SPAG16: variants seen among roughly 807,000 people sequenced by gnomAD.
The protein encoded by SPAG16 is sperm associated antigen 16, also known as sperm-associated antigen 16 protein.
In SPAG16, 86 loss-of-function variants were observed where a neutral mutation model predicts 80.4. That is an observed-to-expected ratio of 1.07 (90% CI 0.90 to 1.28). The LOEUF (loss-of-function observed/expected upper bound fraction) is 1.28, where lower values mean the gene tolerates loss of function less well. SPAG16 is among the 50% of genes most tolerant of loss of function. The probability of loss-of-function intolerance (pLI) is 0.00; values close to 1 mark genes in which losing one functional copy is unlikely to be tolerated. For synonymous variants in SPAG16, 294 were observed against 265.9 expected (o/e 1.11, Z -1.03); for missense variants, 870 against 765.3 (o/e 1.14, Z -1.61).
chr2:213,730,663 T>C (rs1470131499), intron 10 of SPAG16, among the ~76,000 whole-genome samples: 1 of 152,180 alleles, frequency 6.6e-6, no homozygotes, highest in East Asian at 1.9e-4. Context: ...GATGTAGTTC[T>C]CCTACTTGGT....
rs1559110443 is a variant in SPAG16 at position 213,415,690 on chromosome 2, T to A, written c.942+40571T>A. ...TCATTCATTGGAATTGAAGAAAAGA[T>A]GAGGGGAAGGTTTTGGAGGAGAGGA... is the stretch of plus-strand genomic sequence containing the variant. On this transcript the variant is annotated intron_variant, in intron 9 of 15. Transcript: ENST00000331683. Among the ~76,000 whole-genome samples the A allele has an allele frequency of 2.6e-5, 4 of 152,104 alleles. No individual in the cohort carries two copies. The South Asian group carries it at 8.3e-4, about 32-fold the overall frequency.
rs936255820 is a variant in SPAG16 at position 213,557,472 on chromosome 2, C to G, written c.1070+67382C>G. ...ATGTGTATATATAATTATATGTATA[C>G]CATTAAGAATAGAGTATTCTGAAAA... On this transcript the variant is annotated intron_variant, in intron 10 of 15. Coordinates refer to ENST00000331683, the MANE Select transcript of SPAG16 (RefSeq NM_024532.5). Among the ~76,000 whole-genome samples the G allele has an allele frequency of 1.1e-4, 17 of 151,532 alleles. No individual in the cohort carries two copies. The East Asian group carries it at 3.1e-3, about 28-fold the overall frequency.
intron 10 of SPAG16, among the ~76,000 whole-genome samples, chr2:213,708,583 G>A (rs1222219332): frequency 1.3e-5 from 2 of 152,160 alleles, no homozygotes; most frequent in Non-Finnish European, 2.9e-5. Context: ...CACAAGGTCA[G>A]GAGTTCAAGA....
intron 15 of SPAG16, among the ~76,000 whole-genome samples, chr2:214,373,776 T>C (rs1699956973): frequency 6.6e-6 from 1 of 152,136 alleles, no homozygotes. Context: ...CTGCTTCCAA[T>C]GATGAATGGA....
intron 15 of SPAG16, among the ~76,000 whole-genome samples, chr2:214,274,919 C>G (rs1325976371): frequency 1.3e-5 from 2 of 152,156 alleles, no homozygotes; most frequent in African/African-American, 2.4e-5. Flanking sequence ...GTGAATCCAT[C>G]TGGTCCTAAA....
chr2:214,206,281 C>T (rs919267195), intron 15 of SPAG16, among the ~76,000 whole-genome samples: 11 of 152,158 alleles, frequency 7.2e-5, no homozygotes, highest in African/African-American at 2.4e-4. Context: ...CTCTTTCTCC[C>T]ACTCTTTCTC....
At chr2:213,636,877 G>A (rs1195751228) in intron 10 of SPAG16, among the ~76,000 whole-genome samples, 1 of 152,074 alleles carries the variant, frequency 6.6e-6, no homozygotes. Flanking sequence ...GGGTTTCTAG[G>A]TGTATGAACC....
chr2:213,949,062 A>C (rs554639719), intron 12 of SPAG16, among the ~76,000 whole-genome samples: 1 of 152,016 alleles, frequency 6.6e-6, no homozygotes, highest in Non-Finnish European at 1.5e-5. Context: ...TACAAACAGT[A>C]ATGTATTATT....
intron 9 of SPAG16, among the ~76,000 whole-genome samples, chr2:213,427,195 C>T (rs973975852): frequency 6.6e-6 from 1 of 152,050 alleles, no homozygotes; most frequent in African/African-American, 2.4e-5. Context: ...ATGCAAAATA[C>T]ATAGGCTTTT....
At chr2:213,492,885 T>A (rs948543236) in intron 10 of SPAG16, among the ~76,000 whole-genome samples, 2 of 152,166 alleles carry the variant, frequency 1.3e-5, no homozygotes, top group African/African-American at 4.8e-5. Context: ...AGTGCCAGGA[T>A]TCAGCTGCTG....
chr2:214,098,325 C>T (rs1295817638), intron 13 of SPAG16, among the ~76,000 whole-genome samples: 1 of 151,940 alleles, frequency 6.6e-6, no homozygotes, highest in Non-Finnish European at 1.5e-5. Flanking sequence ...CCCTTAAATC[C>T]ATATGTTGAT....
chr2:213,801,972 C>T (rs2071437534), intron 10 of SPAG16, among the ~76,000 whole-genome samples: 1 of 152,118 alleles, frequency 6.6e-6, no homozygotes, highest in Non-Finnish European at 1.5e-5. Flanking sequence ...AAGACATAGG[C>T]ATTTACTTAA....
intron 9 of SPAG16, among the ~76,000 whole-genome samples, chr2:213,488,885 TG>T (rs1361255024): frequency 1.3e-5 from 2 of 148,574 alleles, no homozygotes; most frequent in Non-Finnish European, 3.0e-5. Context: ...GAGACCAGCC[TG>T]GCCAATATGG....
chr2:213,921,973 C>A (rs1278947077), intron 11 of SPAG16, among the ~76,000 whole-genome samples: 1 of 152,030 alleles, frequency 6.6e-6, no homozygotes, highest in African/African-American at 2.4e-5. Flanking sequence ...TTCATTTGGA[C>A]CTTGGAGAAT....
chr2:214,301,028 T>TATAATAATAATA (rs71037363), intron 15 of SPAG16, among the ~76,000 whole-genome samples: 2 of 141,856 alleles, frequency 1.4e-5, no homozygotes, highest in South Asian at 2.3e-4. Context: ...AAACTTAAAG[T>TATAATAATAATA]ATAATAATAA....
intron 15 of SPAG16, among the ~76,000 whole-genome samples, chr2:214,407,871 G>A (rs12151793): frequency 0.019 from 2,832 of 152,058 alleles, 56 homozygotes; most frequent in Admixed American, 0.065. Context: ...ATTACATGCC[G>A]TGTAATAATC....
intron 10 of SPAG16, among the ~76,000 whole-genome samples, chr2:213,526,138 T>A (rs533103521): frequency 5.3e-5 from 8 of 152,260 alleles, no homozygotes; most frequent in Non-Finnish European, 1.2e-4. Context: ...ATTGCTTAAA[T>A]CATCACACAC....
chr2:213,517,955 A>C (rs1308295503), intron 10 of SPAG16, among the ~76,000 whole-genome samples: 1 of 152,208 alleles, frequency 6.6e-6, no homozygotes, highest in Non-Finnish European at 1.5e-5. Flanking sequence ...ATTGACAAGT[A>C]GGACCTAATT....
chr2:213,521,576 T>C (rs572299907), intron 10 of SPAG16, among the ~76,000 whole-genome samples: 18 of 152,354 alleles, frequency 1.2e-4, no homozygotes, highest in African/African-American at 3.1e-4. Context: ...CGTGCACTTC[T>C]AGGTCAGTGT....
Sources: gnomAD v4.1 joint callset for allele counts (sites outside exome capture counted in the v4.1 genomes callset) on GRCh38, gnomAD v4.1.1 for gene constraint, MANE v1.5 for transcripts, NCBI Gene and HGNC (gene_info 2026-07-23, HGNC 2026-07-21) for gene names.